SH3GL2: variants seen among roughly 807,000 people sequenced by gnomAD.
The protein encoded by SH3GL2 is endophilin-A1.
Under a neutral mutation model 46.0 loss-of-function variants are expected in SH3GL2, and 24 were observed. That is an observed-to-expected ratio of 0.52 (90% confidence interval 0.38 to 0.73). The LOEUF (loss-of-function observed/expected upper bound fraction) is 0.73, where lower values mean the gene tolerates loss of function less well. Ranked by LOEUF, SH3GL2 falls within the 30% of genes least tolerant of loss-of-function variation. The pLI is 0.00. For synonymous variants in SH3GL2, 196 were observed against 147.1 expected (o/e 1.33, Z -2.40); for missense variants, 413 against 424.2 (o/e 0.97, Z 0.23).
intron 1 of SH3GL2, among the ~76,000 whole-genome samples, chr9:17,716,434 C>T (rs969107183): frequency 7.2e-5 from 11 of 152,124 alleles, no homozygotes; most frequent in Admixed American, 2.0e-4. Context: ...ATAGCTAAAG[C>T]GCCTTGCTTT....
intron 1 of SH3GL2, among the ~76,000 whole-genome samples, chr9:17,727,551 C>T (rs1563829033): frequency 6.6e-6 from 1 of 152,182 alleles, no homozygotes; most frequent in Non-Finnish European, 1.5e-5. Context: ...AAGGCCACCT[C>T]TGACTTTCCT....
chr9:17,671,457 T>C (rs1297632446), intron 1 of SH3GL2, among the ~76,000 whole-genome samples: 2 of 152,130 alleles, frequency 1.3e-5, no homozygotes, highest in Admixed American at 1.3e-4. Flanking sequence ...AATAACTTAA[T>C]TGTACATTGA....
intron 1 of SH3GL2, among the ~76,000 whole-genome samples, chr9:17,644,855 T>G (rs1819768359): frequency 6.6e-6 from 1 of 152,134 alleles, no homozygotes; most frequent in African/African-American, 2.4e-5. Flanking sequence ...GGTCCAGAGC[T>G]GAGTTCAAGT....
intron 1 of SH3GL2, chr9:17,590,924 A>G (rs1244827777): frequency 6.6e-6 from 1 of 152,072 alleles, no homozygotes; most frequent in South Asian, 2.1e-4. Context: ...CTCCTGGCTA[A>G]TTTTTTTGTA....
At chr9:17,792,659 C>G (rs977102529) in intron 7 of SH3GL2, among the ~76,000 whole-genome samples, 1 of 152,106 alleles carries the variant, frequency 6.6e-6, no homozygotes, top group African/African-American at 2.4e-5. Context: ...TTCTCATGTT[C>G]TGAATAGAAT....
At position 17,764,197 on chromosome 9, in the gene SH3GL2, A is replaced by G. The variant is rs772015784; in HGVS notation, c.187+2688A>G. Among the ~76,000 whole-genome samples, 5 of 152,346 alleles carry G rather than the reference A, an allele frequency of 3.3e-5. No individual in the cohort carries two copies. In the South Asian group the frequency reaches 6.2e-4, roughly 19 times the overall value. ...TTATGTATGGGCAGGCCACATACAT[A>G]TATGAGTAAGTACTACCCAGAAGAG... On this transcript the variant is annotated intron_variant, in intron 3 of 8. Coordinates refer to ENST00000380607, the MANE Select transcript of SH3GL2 (RefSeq NM_003026.5).
intron 1 of SH3GL2, among the ~76,000 whole-genome samples, chr9:17,726,197 A>G (rs1267662151): frequency 2.0e-5 from 3 of 152,152 alleles, no homozygotes; most frequent in Non-Finnish European, 4.4e-5. Context: ...TCACACTGCT[A>G]TTCCAGAAGA....
intron 1 of SH3GL2, among the ~76,000 whole-genome samples, chr9:17,717,581 A>G (rs760659520): frequency 6.6e-6 from 1 of 152,108 alleles, no homozygotes; most frequent in Non-Finnish European, 1.5e-5. Context: ...GTCAGATACC[A>G]TGCCAGATGC....
intron 1 of SH3GL2, among the ~76,000 whole-genome samples, chr9:17,694,926 GTGATAC>G (rs146569446): frequency 0.01 from 1,536 of 152,150 alleles, 16 homozygotes; most frequent in Middle Eastern, 0.024. Context: ...GCACACTTAG[GTGATAC>G]CTTGCACAGC....
intron 2 of SH3GL2, among the ~76,000 whole-genome samples, chr9:17,750,502 T>C (rs1052138852): frequency 5.9e-5 from 9 of 152,150 alleles, no homozygotes; most frequent in Non-Finnish European, 1.2e-4. Context: ...GCTGATTGGA[T>C]AGAATCCTGC....
rs115072124 is a variant in SH3GL2, at chr9:17,599,788, A to C, written c.45+20501A>C. Among the ~76,000 whole-genome samples the C allele has an allele frequency of 5.6e-3, 854 of 152,314 alleles. 9 individuals are homozygous for C. The highest frequency in any genetic ancestry group is 0.019 in the African/African-American group (809 of 41,560). ...GGTGGTGATTTGGAACTAGGGTCAC[A>C]ATGTTAATTATCTCTAGATGTGGGC... On this transcript the variant is annotated intron_variant, in intron 1 of 8. Coordinates refer to ENST00000380607, the MANE Select transcript of SH3GL2 (RefSeq NM_003026.5).
intron 1 of SH3GL2, among the ~76,000 whole-genome samples, chr9:17,663,140 C>T (rs997217025): frequency 2.0e-5 from 3 of 152,152 alleles, no homozygotes; most frequent in African/African-American, 7.2e-5. Context: ...TTTTATTTCT[C>T]TATTCCTCAT....
intron 1 of SH3GL2, among the ~76,000 whole-genome samples, chr9:17,723,481 C>T (rs1230942805): frequency 6.6e-6 from 1 of 152,102 alleles, no homozygotes; most frequent in Non-Finnish European, 1.5e-5. Flanking sequence ...CAGAGCAGTT[C>T]ACTGCCAGGT....
chr9:17,582,159 C>A (rs569638428), intron 1 of SH3GL2, among the ~76,000 whole-genome samples: 2 of 152,080 alleles, frequency 1.3e-5, no homozygotes, highest in Admixed American at 6.5e-5. Flanking sequence ...TTATTTCTAC[C>A]TTGTTGCTGA....
At chr9:17,769,347 A>G (rs1316140947) in intron 3 of SH3GL2, among the ~76,000 whole-genome samples, 1 of 152,162 alleles carries the variant, frequency 6.6e-6, no homozygotes, top group Non-Finnish European at 1.5e-5. Flanking sequence ...TACTTTATGC[A>G]ACTTATGATT....
chr9:17,743,539 T>C (rs1046803260), intron 1 of SH3GL2, among the ~76,000 whole-genome samples: 4 of 137,850 alleles, frequency 2.9e-5, no homozygotes, highest in African/African-American at 1.1e-4. Context: ...CCTTCTTCCT[T>C]TCCCTCTCTT....
chr9:17,757,335 T>C (rs1192437406), intron 2 of SH3GL2, among the ~76,000 whole-genome samples: 1 of 152,192 alleles, frequency 6.6e-6, no homozygotes, highest in African/African-American at 2.4e-5. Flanking sequence ...AAAGAGCTTC[T>C]GCACAGCAAA....
chr9:17,604,862 A>T (rs1052125251), intron 1 of SH3GL2, among the ~76,000 whole-genome samples: 10 of 152,128 alleles, frequency 6.6e-5, no homozygotes, highest in African/African-American at 2.4e-4. Context: ...CTCCTGAGAA[A>T]GGGGTCACCG....
chr9:17,598,239 G>T (rs1326335293), intron 1 of SH3GL2, among the ~76,000 whole-genome samples: 1 of 152,160 alleles, frequency 6.6e-6, no homozygotes, highest in Non-Finnish European at 1.5e-5. Context: ...ATAAAAAAGA[G>T]CAGGTTATGG....
Sources: allele counts gnomAD v4.1 joint callset (sites outside exome capture counted in the v4.1 genomes callset), GRCh38; gene constraint gnomAD v4.1.1; transcripts MANE v1.5; gene names NCBI Gene and HGNC (gene_info 2026-07-23, HGNC 2026-07-21).